The following ITGA8 variants were observed in gnomAD, a reference collection of about 807,000 sequenced individuals.
The protein encoded by ITGA8 is integrin subunit alpha 8, also known as integrin alpha-8.
ITGA8 carries 91 observed loss-of-function variants against 142.3 expected under a neutral mutation model. The ratio of observed to expected loss-of-function variants is 0.64; its 90% CI spans 0.54 to 0.76. ITGA8 has a LOEUF of 0.76. ITGA8 is among the 30% of genes least tolerant of loss of function. The pLI is 0.00. For synonymous variants in ITGA8, 505 were observed against 485.2 expected (o/e 1.04, Z -0.54); for missense variants, 1,406 against 1,327.7 (o/e 1.06, Z -0.92).
At chr10:15,703,394 A>G (rs1172070062) in intron 2 of ITGA8, among the ~76,000 whole-genome samples, 1 of 152,216 alleles carries the variant, frequency 6.6e-6, no homozygotes, top group African/African-American at 2.4e-5. Context: ...CACATCACAT[A>G]CTATCATTCA....
chr10:15,606,118 C>T (rs573566685), intron 18 of ITGA8, among the ~76,000 whole-genome samples, 167 bp downstream of exon 18: 1 of 152,246 alleles, frequency 6.6e-6, no homozygotes, highest in South Asian at 2.1e-4. Context: ...TTCCGAAAAA[C>T]ACAATCATGC....
intron 13 of ITGA8, among the ~76,000 whole-genome samples, chr10:15,622,224 G>A (rs1231441424): frequency 6.6e-6 from 1 of 152,016 alleles, no homozygotes; most frequent in Non-Finnish European, 1.5e-5. Context: ...AGCAGTCTCT[G>A]TGGCCACCCA....
Position 15,677,734 on chromosome 10 carries a change from C to T in ITGA8, c.631-97G>A, listed in dbSNP as rs899490071. On this transcript the variant is annotated intron_variant, in intron 5 of 29. Coordinates refer to ENST00000378076, the MANE Select transcript of ITGA8 (RefSeq NM_003638.3). ...TTGTTGTTAATAAGCATTGCTCTAA[C>T]AATTTGTTACACATAAAAAGCAATT... 5.1e-6 allele frequency: 6 copies of T among 1,181,646 alleles called. No homozygotes were observed. The African/African-American group carries it at 9.4e-5, about 19-fold the overall frequency. 73.2% of individuals were successfully genotyped at this position (1,181,646 alleles called of 1,614,324 possible). A position where few individuals can be genotyped will look rare whatever the true frequency, so the allele number is the denominator to read the frequency against.
chr10:15,575,457 C>G, intron 24 of ITGA8, 32 bp downstream of exon 24: 1 of 1,429,422 alleles, frequency 7.0e-7, no homozygotes. Flanking sequence ...AGAATAAACC[C>G]CTAACACAAC....
At position 15,515,832 on chromosome 10, in the gene ITGA8, G is replaced by A. The variant is rs1327014188; in HGVS notation, c.*1326C>T. On this transcript the variant is annotated 3_prime_UTR_variant, in exon 30 of 30. Transcript: ENST00000378076. Reference sequence around the variant, plus strand: ...CAAGAGTTTTAAACATAAAAAATTTGTGATGGTTAAATTCAAGATGATGGG... The same window carrying A: ...CAAGAGTTTTAAACATAAAAAATTTATGATGGTTAAATTCAAGATGATGGG... The A allele has an allele frequency of 6.6e-6, 1 of 152,096 alleles. No homozygotes were observed. The highest frequency in any genetic ancestry group is 1.5e-5 in the Non-Finnish European group (1 of 68,014). The allele number at this position is 152,096 out of a possible 1,614,324, so 9.4% of individuals were successfully genotyped here. A position where few individuals can be genotyped will look rare whatever the true frequency, so the allele number is the denominator to read the frequency against.
intron 8 of ITGA8, among the ~76,000 whole-genome samples, chr10:15,668,023 T>A (rs929631252): frequency 6.6e-6 from 1 of 152,240 alleles, no homozygotes; most frequent in Non-Finnish European, 1.5e-5. Context: ...GTTCTGTAGA[T>A]GTCTATTAGG....
chr10:15,574,561 T>G (rs1834247439), intron 24 of ITGA8, among the ~76,000 whole-genome samples: 1 of 152,098 alleles, frequency 6.6e-6, no homozygotes, highest in South Asian at 2.1e-4. Context: ...CAGCTAATTT[T>G]TGTATTTTTA....
intron 28 of ITGA8, 93 bp downstream of exon 28, chr10:15,530,957 T>C: frequency 2.6e-6 from 2 of 779,066 alleles, no homozygotes; most frequent in Non-Finnish European, 4.1e-6. Context: ...CTCAAGTCAA[T>C]GTAAACACTA....
chr10:15,610,621 A>G (rs1833276705), intron 15 of ITGA8, among the ~76,000 whole-genome samples: 1 of 152,196 alleles, frequency 6.6e-6, no homozygotes, highest in Non-Finnish European at 1.5e-5. Flanking sequence ...TGATCTTCTG[A>G]GGCTAGTCCC....
intron 2 of ITGA8, among the ~76,000 whole-genome samples, chr10:15,715,749 C>T (rs1037581707): frequency 2.0e-5 from 3 of 152,226 alleles, no homozygotes; most frequent in African/African-American, 7.2e-5. Context: ...TCTACTTTGT[C>T]CACGAAGTGG....
chr10:15,629,530 A>G (rs928877821), intron 13 of ITGA8, among the ~76,000 whole-genome samples: 6 of 152,058 alleles, frequency 3.9e-5, no homozygotes, highest in African/African-American at 1.5e-4. Flanking sequence ...TCACTGAGCC[A>G]GACAAAGGCA....
At chr10:15,656,026 A>G (rs1474061396) in intron 10 of ITGA8, among the ~76,000 whole-genome samples, 2 of 152,050 alleles carry the variant, frequency 1.3e-5, no homozygotes, top group Non-Finnish European at 2.9e-5. Flanking sequence ...TCAAGGCTGC[A>G]GTGATCTGAG....
At chr10:15,704,031 A>G (rs1262898261) in intron 2 of ITGA8, among the ~76,000 whole-genome samples, 1 of 152,212 alleles carries the variant, frequency 6.6e-6, no homozygotes, top group Non-Finnish European at 1.5e-5. Context: ...TTTACCTAAT[A>G]TAATGGTAAC....
At chr10:15,647,145 G>T (rs1833997192) in intron 11 of ITGA8, 94 bp from the exon 12 acceptor site, 2 of 930,114 alleles carry the variant, frequency 2.2e-6, no homozygotes, top group Admixed American at 2.0e-5. Context: ...ATTTCCATTG[G>T]TATTTTTCCT....
At chr10:15,643,702 A>C (rs1833911115) in intron 13 of ITGA8, among the ~76,000 whole-genome samples, 1 of 152,228 alleles carries the variant, frequency 6.6e-6, no homozygotes. Context: ...AAAGGATGCA[A>C]GCTGTCTATG....
chr10:15,584,561 T>C (rs547875390), intron 23 of ITGA8, among the ~76,000 whole-genome samples: 3 of 152,286 alleles, frequency 2.0e-5, no homozygotes, highest in Admixed American at 6.5e-5. Context: ...TTGGCATAAG[T>C]ATTTTGAAAA....
At chr10:15,544,427 G>A (rs58630605) in intron 27 of ITGA8, among the ~76,000 whole-genome samples, 8,417 of 152,210 alleles carry the variant, frequency 0.055, 749 homozygotes, top group African/African-American at 0.19. Flanking sequence ...CTGCTGACAC[G>A]TTGGTTTCAG....
At chr10:15,534,392 T>C (rs75327470) in intron 27 of ITGA8, among the ~76,000 whole-genome samples, 6,243 of 152,322 alleles carry the variant, frequency 0.041, 187 homozygotes, top group African/African-American at 0.073. Context: ...AACTATATGA[T>C]ACAAAGATGC....
chr10:15,672,771 C>T lies in ITGA8; in HGVS notation c.677-22G>A, dbSNP rs757218676. On this transcript the variant is annotated intron_variant, in intron 6 of 29. Coordinates refer to ENST00000378076, the MANE Select transcript of ITGA8 (RefSeq NM_003638.3). ...TGTCCTGTGTTTAAACAAATTAATA[C>T]GTTAACTGAATGAAAGCAAGAGGCA... 78 of 1,566,990 alleles carry T rather than the reference C, an allele frequency of 5.0e-5. No homozygotes were observed. The Admixed American group carries it at 7.3e-4, about 15-fold the overall frequency.
Sources: gnomAD v4.1 joint callset for allele counts (sites outside exome capture counted in the v4.1 genomes callset) on GRCh38, gnomAD v4.1.1 for gene constraint, MANE v1.5 for transcripts, NCBI Gene and HGNC (gene_info 2026-07-23, HGNC 2026-07-21) for gene names.